The following SPTLC3 variants were observed in gnomAD, a reference collection of about 807,000 sequenced individuals.
SPTLC3 encodes serine palmitoyltransferase 3.
A neutral mutation model predicts 59.3 loss-of-function variants in SPTLC3; 36 were observed. The observed-to-expected ratio is 0.61, with a 90% CI of 0.47 to 0.80. The LOEUF (loss-of-function observed/expected upper bound fraction) is 0.80, where lower values mean the gene tolerates loss of function less well. Among genes scored for constraint, SPTLC3 ranks in the 30% least tolerant of loss-of-function variants. The pLI, the probability that SPTLC3 is intolerant of heterozygous loss-of-function variation, is 0.00. For missense variants in SPTLC3, 625 were observed against 685.1 expected, an observed-to-expected ratio of 0.91 and a Z score of 0.98; for synonymous variants, 257 against 240.8, an observed-to-expected ratio of 1.07 and a Z score of -0.62.
Position 13,168,100 on chromosome 20 carries a change from T to G in SPTLC3, c.*3233T>G, listed in dbSNP as rs2039006349. The G allele has an allele frequency of 6.6e-6, 1 of 152,138 alleles. No individual in the cohort carries two copies. The highest frequency in any genetic ancestry group is 1.5e-5 in the Non-Finnish European group (1 of 68,038). 9.4% of individuals were successfully genotyped at this position (152,138 alleles called of 1,614,324 possible). On this transcript the variant is annotated 3_prime_UTR_variant, in exon 12 of 12. Transcript: ENST00000399002. ...CATCTGCGATTCATTTGGGTAAAAT[T>G]ATGCCTTCTTCAGTTTTCTGTATCA...
At chr20:13,038,000 C>T (rs1398392307) in intron 1 of SPTLC3, among the ~76,000 whole-genome samples, 4 of 144,818 alleles carry the variant, frequency 2.8e-5, no homozygotes, top group African/African-American at 1.1e-4. Flanking sequence ...GTCACATGGC[C>T]TACCACAATT....
intron 2 of SPTLC3, among the ~76,000 whole-genome samples, chr20:13,056,611 G>A (rs1987740394): frequency 6.6e-6 from 1 of 151,810 alleles, no homozygotes; most frequent in Non-Finnish European, 1.5e-5. Context: ...ACCACGCCTG[G>A]CTAATTTTTT....
chr20:13,124,438 G>GA (rs1374176879), intron 8 of SPTLC3, among the ~76,000 whole-genome samples: 1 of 151,868 alleles, frequency 6.6e-6, no homozygotes, highest in African/African-American at 2.4e-5. Context: ...AATTTGAAAT[G>GA]AAAAGAGAGA....
At chr20:13,073,996 A>G (rs1164863139) in intron 3 of SPTLC3, 1 of 613,040 alleles carries the variant, frequency 1.6e-6, no homozygotes, top group Non-Finnish European at 3.2e-6. Context: ...ACCAATGAAT[A>G]TCGGAGATAG....
intron 9 of SPTLC3, among the ~76,000 whole-genome samples, chr20:13,143,178 G>A (rs1301309549): frequency 6.6e-6 from 1 of 152,114 alleles, no homozygotes; most frequent in East Asian, 1.9e-4. Flanking sequence ...AAAAGACCAA[G>A]AAGGAGACCG....
intron 10 of SPTLC3, among the ~76,000 whole-genome samples, chr20:13,155,545 G>A (rs1273002674): frequency 6.6e-6 from 1 of 152,312 alleles, no homozygotes; most frequent in South Asian, 2.1e-4. Flanking sequence ...CACACATGAA[G>A]GCTGGGCGCG....
chr20:13,115,063 A>C (rs1990457811), intron 7 of SPTLC3, among the ~76,000 whole-genome samples: 1 of 152,242 alleles, frequency 6.6e-6, no homozygotes, highest in Non-Finnish European at 1.5e-5. Context: ...TATTGAAGTC[A>C]AAAGAAAAAC....
At chr20:13,076,585 T>C (rs1405261636) in intron 4 of SPTLC3, among the ~76,000 whole-genome samples, 1 of 151,308 alleles carries the variant, frequency 6.6e-6, no homozygotes, top group Non-Finnish European at 1.5e-5. Flanking sequence ...TAACAAGGAA[T>C]CACTTAAAAC....
rs895212481 is a variant in SPTLC3 at position 13,099,291 on chromosome 20, A to G, written c.826+5714A>G. ...TAAGGAATGCAGGAAGCATTTCCCTAGAAGCCGGAAAAACCAAGGACATGG... is the reference window on the plus strand; with the variant it reads ...TAAGGAATGCAGGAAGCATTTCCCTGGAAGCCGGAAAAACCAAGGACATGG... On this transcript the variant is annotated intron_variant, in intron 6 of 11. Coordinates refer to ENST00000399002, the MANE Select transcript of SPTLC3 (RefSeq NM_018327.4). Among the ~76,000 whole-genome samples, 4 of 152,190 alleles carry G rather than the reference A, an allele frequency of 2.6e-5. No individual in the cohort carries two copies. The East Asian group carries it at 7.7e-4, about 29-fold the overall frequency.
chr20:13,049,291 G>A, intron 2 of SPTLC3, 161 bp downstream of exon 2: 1 of 768,212 alleles, frequency 1.3e-6, no homozygotes, highest in African/African-American at 1.7e-5. Flanking sequence ...CATTACCCAT[G>A]GGCTTATGGA....
rs575175483 is a variant in SPTLC3, at chr20:13,087,950, G to A, written c.608-3133G>A. ...TGGTTTTATGTGGAGGAAATAGTAC[G>A]TGCAACATCGGGAAAGCCTAAAATG... On this transcript the variant is annotated intron_variant, in intron 4 of 11. Coordinates refer to ENST00000399002, the MANE Select transcript of SPTLC3 (RefSeq NM_018327.4). Among the ~76,000 whole-genome samples the A allele has an allele frequency of 4.6e-5, 7 of 152,306 alleles. No individual in the cohort carries two copies. In the East Asian group the frequency reaches 9.6e-4, roughly 21 times the overall value.
intron 1 of SPTLC3, among the ~76,000 whole-genome samples, chr20:13,032,455 A>T (rs1308239964): frequency 6.6e-6 from 1 of 152,200 alleles, no homozygotes; most frequent in Non-Finnish European, 1.5e-5. Context: ...CCCTGCTATC[A>T]AAGGCGTTCC....
intron 4 of SPTLC3, among the ~76,000 whole-genome samples, chr20:13,087,826 A>G (rs1265798928): frequency 6.6e-6 from 1 of 152,222 alleles, no homozygotes; most frequent in Admixed American, 6.5e-5. Flanking sequence ...TGCTATAATC[A>G]TCATATGATA....
At chr20:13,029,995 A>G (rs1408303617) in intron 1 of SPTLC3, among the ~76,000 whole-genome samples, 2 of 152,194 alleles carry the variant, frequency 1.3e-5, no homozygotes, top group Non-Finnish European at 2.9e-5. Context: ...GGTGGGACCT[A>G]GGTATAGTAG....
intron 2 of SPTLC3, 126 bp downstream of exon 2, chr20:13,049,256 T>A: frequency 9.5e-7 from 1 of 1,049,506 alleles, no homozygotes; most frequent in African/African-American, 1.6e-5. Context: ...AGGGCAAATT[T>A]CATTCATCTC....
intron 7 of SPTLC3, among the ~76,000 whole-genome samples, chr20:13,113,661 G>A (rs910200812): frequency 6.6e-6 from 1 of 152,154 alleles, no homozygotes; most frequent in Non-Finnish European, 1.5e-5. Context: ...CATCTGTGTG[G>A]CCTCCATAGG....
intron 8 of SPTLC3, among the ~76,000 whole-genome samples, chr20:13,123,377 G>A (rs2037913378): frequency 6.6e-6 from 1 of 151,140 alleles, no homozygotes; most frequent in Admixed American, 6.6e-5. Flanking sequence ...CTGTTTCACT[G>A]TGTACCAGAT....
intron 1 of SPTLC3, among the ~76,000 whole-genome samples, chr20:13,020,664 T>C (rs1318909332): frequency 2.6e-5 from 4 of 152,202 alleles, no homozygotes; most frequent in African/African-American, 9.6e-5. Flanking sequence ...GTTTATGTGG[T>C]AGCTTTTCGC....
At chr20:13,033,179 C>T (rs1291739368) in intron 1 of SPTLC3, among the ~76,000 whole-genome samples, 1 of 152,098 alleles carries the variant, frequency 6.6e-6, no homozygotes, top group Non-Finnish European at 1.5e-5. Context: ...CCAAACCCTT[C>T]TAAGCAAAGG....
Sources: allele counts gnomAD v4.1 joint callset (sites outside exome capture counted in the v4.1 genomes callset), GRCh38; gene constraint gnomAD v4.1.1; transcripts MANE v1.5; gene names NCBI Gene and HGNC (gene_info 2026-07-23, HGNC 2026-07-21).